MEIKIN: variants seen among roughly 807,000 people sequenced by gnomAD.
The protein encoded by MEIKIN is meiosis-specific kinetochore protein.
At chr5:131,927,993 A>C (rs931043664) in intron 5 of MEIKIN, among the ~76,000 whole-genome samples, 3 of 151,618 alleles carry the variant, frequency 2.0e-5, no homozygotes, top group Non-Finnish European at 4.4e-5. Context: ...AAAATACAAA[A>C]ATTAGCCGGG....
chr5:131,906,912 G>A (rs1479262697), intron 8 of MEIKIN, among the ~76,000 whole-genome samples: 2 of 152,168 alleles, frequency 1.3e-5, no homozygotes, highest in Non-Finnish European at 2.9e-5. Context: ...CAGGTACTAT[G>A]CTTATTACAT....
intron 3 of MEIKIN, among the ~76,000 whole-genome samples, chr5:131,944,140 T>G (rs558957514): frequency 6.7e-6 from 1 of 149,500 alleles, no homozygotes; most frequent in African/African-American, 2.5e-5. Context: ...AACTTGACTA[T>G]GAAGTTTAAT....
Position 131,851,218 on chromosome 5 carries a change from A to G in MEIKIN, c.975+46T>C, listed in dbSNP as rs76831128. ...TCATATACAAAGTATCTAATGTAAC[A>G]GTAATTATTTCCTTTAGTAATTGAA... On this transcript the variant is annotated intron_variant, in intron 11 of 12. Coordinates refer to ENST00000442687, the MANE Select transcript of MEIKIN (RefSeq NM_001303622.2). 2.3e-5 allele frequency: 9 copies of G among 396,634 alleles called. No homozygotes were observed. The East Asian group carries it at 3.2e-4, about 14-fold the overall frequency. The allele number at this position is 396,634 out of a possible 1,614,324, so 24.6% of individuals were successfully genotyped here.
chr5:131,938,415 G>A (rs950885260), intron 4 of MEIKIN, among the ~76,000 whole-genome samples: 2 of 151,946 alleles, frequency 1.3e-5, no homozygotes, highest in African/African-American at 4.8e-5. Flanking sequence ...CAATCCACCC[G>A]CCTCGGCCTC....
chr5:131,890,654 T>C (rs1304819054), intron 8 of MEIKIN, among the ~76,000 whole-genome samples: 1 of 152,206 alleles, frequency 6.6e-6, no homozygotes, highest in African/African-American at 2.4e-5. Flanking sequence ...TTGTTGATCT[T>C]TTCAAAAAAC....
Position 131,902,927 on chromosome 5 carries a change from G to C in MEIKIN, c.703+8888C>G, listed in dbSNP as rs576662132. The stretch of plus-strand genomic sequence containing the variant: ...ATTACAATAAAATGATACCAGAGCT[G>C]ATAGACAAAATGGCCATTATAAGAA... On this transcript the variant is annotated intron_variant, in intron 8 of 12. Coordinates refer to ENST00000442687, the MANE Select transcript of MEIKIN (RefSeq NM_001303622.2). Among the ~76,000 whole-genome samples, 3 of 152,234 alleles carry C rather than the reference G, an allele frequency of 2.0e-5. No homozygotes were observed. The East Asian group carries it at 5.8e-4, about 29-fold the overall frequency.
At chr5:131,851,471 C>T (rs1750114589) in intron 10 of MEIKIN, 88 bp from the exon 11 acceptor site, 1 of 391,090 alleles carries the variant, frequency 2.6e-6, no homozygotes, top group African/African-American at 2.1e-5. Flanking sequence ...TGAAAAATAC[C>T]ATCTCATTGG....
chr5:131,906,020 G>A (rs1751237233), intron 8 of MEIKIN, among the ~76,000 whole-genome samples: 1 of 152,040 alleles, frequency 6.6e-6, no homozygotes, highest in Non-Finnish European at 1.5e-5. Context: ...GAGCAAAAAT[G>A]ACAAATGGGA....
intron 7 of MEIKIN, among the ~76,000 whole-genome samples, chr5:131,915,850 T>C (rs537904280): frequency 6.6e-6 from 1 of 152,106 alleles, no homozygotes; most frequent in African/African-American, 2.4e-5. Context: ...ATGTAAGTAG[T>C]AGGTTTTATT....
At chr5:131,826,604 A>C (rs1455546890) in intron 11 of MEIKIN, among the ~76,000 whole-genome samples, 2 of 152,190 alleles carry the variant, frequency 1.3e-5, no homozygotes, top group Admixed American at 1.3e-4. Flanking sequence ...ATTATAACCT[A>C]AATTATAATC....
At chr5:131,871,600 G>C (rs985149053) in intron 9 of MEIKIN, among the ~76,000 whole-genome samples, 5 of 152,188 alleles carry the variant, frequency 3.3e-5, no homozygotes, top group African/African-American at 4.8e-5. Context: ...AAAGACAGCA[G>C]TGACCTCTGC....
intron 9 of MEIKIN, among the ~76,000 whole-genome samples, chr5:131,861,563 T>C (rs975579021): frequency 3.9e-5 from 6 of 152,196 alleles, no homozygotes; most frequent in African/African-American, 1.4e-4. Context: ...CTTTTCCCCA[T>C]TCAGTCTGAT....
rs376168793 is a variant in MEIKIN, at chr5:131,932,834, C to T, written c.478+679G>A. On this transcript the variant is annotated intron_variant, in intron 5 of 12. Transcript: ENST00000442687. ...TCTATTTACAAGCATTTGGCACAAC[C>T]AAATTATGAGCTTTTCTGTGACACT... Among the ~76,000 whole-genome samples, 20 of 152,256 alleles carry T rather than the reference C, an allele frequency of 1.3e-4. No individual in the cohort carries two copies. The East Asian group carries it at 1.5e-3, about 12-fold the overall frequency.
At chr5:131,835,470 T>TTTGTTTCAGGAGTTTTATTA (rs1426497857) in intron 11 of MEIKIN, among the ~76,000 whole-genome samples, 1 of 152,096 alleles carries the variant, frequency 6.6e-6, no homozygotes, top group Non-Finnish European at 1.5e-5. Context: ...TTCCCTATCT[T>TTTGTTTCAGGAGTTTTATTA]TTGTTTCAGG....
intron 8 of MEIKIN, among the ~76,000 whole-genome samples, chr5:131,892,156 CT>C (rs1196540411): frequency 2.6e-5 from 4 of 152,094 alleles, no homozygotes; most frequent in East Asian, 1.9e-4. Context: ...ACATTTTTTC[CT>C]TCATTTCAAC....
chr5:131,838,059 A>G (rs1402515994), intron 11 of MEIKIN, among the ~76,000 whole-genome samples: 1 of 152,074 alleles, frequency 6.6e-6, no homozygotes, highest in Non-Finnish European at 1.5e-5. Flanking sequence ...ATAATTTTTA[A>G]CATGAAGTGG....
intron 8 of MEIKIN, among the ~76,000 whole-genome samples, chr5:131,882,856 T>C (rs1383712551): frequency 1.3e-5 from 2 of 152,134 alleles, no homozygotes; most frequent in African/African-American, 4.8e-5. Context: ...TTGTTCCCAT[T>C]GCCTGGCATG....
At chr5:131,912,169 G>A (rs1216554459) in intron 7 of MEIKIN, among the ~76,000 whole-genome samples, 2 of 151,964 alleles carry the variant, frequency 1.3e-5, no homozygotes, top group Non-Finnish European at 2.9e-5. Flanking sequence ...CTCACACTTG[G>A]GTGGCCTTTG....
At chr5:131,917,989 C>G (rs543165836) in intron 6 of MEIKIN, among the ~76,000 whole-genome samples, 1 of 152,236 alleles carries the variant, frequency 6.6e-6, no homozygotes, top group African/African-American at 2.4e-5. Flanking sequence ...GCTGTGAGAG[C>G]CCTGCATCTC....
Sources: gnomAD v4.1 joint callset for allele counts (sites outside exome capture counted in the v4.1 genomes callset) on GRCh38, gnomAD v4.1.1 for gene constraint, MANE v1.5 for transcripts, NCBI Gene and HGNC (gene_info 2026-07-23, HGNC 2026-07-21) for gene names.